The following SP140 variants were observed in gnomAD, a reference collection of about 807,000 sequenced individuals.
The protein encoded by SP140 is SP140 nuclear body protein, also known as nuclear body protein SP140.
SP140 carries 81 observed loss-of-function variants against 125.0 expected under a neutral mutation model. The ratio of observed to expected loss-of-function variants is 0.65; its 90% CI spans 0.54 to 0.78. The LOEUF is 0.78. Ranked by LOEUF, SP140 falls within the 30% of genes least tolerant of loss-of-function variation. The probability of loss-of-function intolerance (pLI) is 0.00; values close to 1 mark genes in which losing one functional copy is unlikely to be tolerated. For synonymous variants in SP140, 312 were observed against 354.0 expected, an observed-to-expected ratio of 0.88 and a Z score of 1.33; for missense variants, 858 against 1,037.0, an observed-to-expected ratio of 0.83 and a Z score of 2.37.
chr2:230,293,786 C>A (rs2057392211), intron 20 of SP140, among the ~76,000 whole-genome samples: 1 of 152,160 alleles, frequency 6.6e-6, no homozygotes, highest in Non-Finnish European at 1.5e-5. Context: ...GCTCCTGAGC[C>A]CTCTACTAAG....
chr2:230,222,488 G>A (rs6739987), upstream of SP140, among the ~76,000 whole-genome samples: 1 of 152,152 alleles, frequency 6.6e-6, no homozygotes, highest in Non-Finnish European at 1.5e-5. Context: ...GGAGGTCAAA[G>A]CAGGAGGATC....
downstream of SP140, among the ~76,000 whole-genome samples, chr2:230,314,817 G>A (rs968723476): frequency 5.9e-5 from 9 of 152,238 alleles, no homozygotes; most frequent in African/African-American, 2.2e-4. Flanking sequence ...GCACATCCTT[G>A]AGAAGCTCAA....
At chr2:230,284,232 C>A in intron 15 of SP140, 114 bp from the exon 16 acceptor site, 1 of 1,004,618 alleles carries the variant, frequency 1.0e-6, no homozygotes, top group Non-Finnish European at 1.5e-6. Context: ...AGTATTTTGC[C>A]CCATTCCTGC....
At position 230,269,616 on chromosome 2, in the gene SP140, C is replaced by T. The variant is rs1443366518; in HGVS notation, c.1325C>T (p.Pro442Leu). ...TCTAGCCTGCTATATGATAATGTACCAGGTAATTATGACTTAAAAATAGTG... is the reference window on the plus strand; with the variant it reads ...TCTAGCCTGCTATATGATAATGTACTAGGTAATTATGACTTAAAAATAGTG... ...LASSLLYDNV[P>L]GAEQSAYENE... Residue 442 changes from proline to leucine, a missense_variant and splice_region_variant, in exon 13 of 27, where the codon CCA becomes CTA. This residue lies in a region of SP140 where 791 missense variants were observed against 869.5 expected (regional missense o/e 0.91). Transcript: ENST00000392045. The T allele has an allele frequency of 6.6e-7, 1 of 1,519,086 alleles. No individual in the cohort carries two copies. Among genetic ancestry groups the T allele is most frequent in the Non-Finnish European group, 8.9e-7 (1 of 1,117,996 alleles). 94.1% of individuals were successfully genotyped at this position (1,519,086 alleles called of 1,614,324 possible).
chr2:230,280,553 C>T (rs1559320529), intron 15 of SP140, among the ~76,000 whole-genome samples: 1 of 152,020 alleles, frequency 6.6e-6, no homozygotes, highest in Non-Finnish European at 1.5e-5. Flanking sequence ...TTGTATCTTT[C>T]GTGTCTCCTT....
chr2:230,215,092 C>A, intron 3 of SP140: 1 of 1,613,878 alleles, frequency 6.2e-7, no homozygotes, highest in South Asian at 1.1e-5. Context: ...ATACAGGGAT[C>A]AAATTTCTAC....
In SP140 at chr2:230,216,863, C is replaced by G. The variant is rs201743901; in HGVS notation, c.-91+2789C>G. 1.9e-6 allele frequency: 3 copies of G among 1,613,966 alleles called. No homozygotes were observed. In the Admixed American group the frequency reaches 5.0e-5, roughly 27 times the overall value. On this transcript the variant is annotated intron_variant, in intron 3 of 4. Coordinates refer to the SP140 transcript ENST00000456542. ...TGGCTTGTGTATGGCATAGGCGATC[C>G]CCAGCTTCTGGTGCATGAAGTGCTG...
At chr2:230,189,028 A>G in the SP140 span, among the ~76,000 whole-genome samples, 2 of 151,758 alleles carry the variant, frequency 1.3e-5, no homozygotes, top group Non-Finnish European at 2.9e-5. Context: ...GATCTTTTGT[A>G]TTTCTGTGGT....
Position 230,253,415 on chromosome 2 carries a change from AAG to A in SP140, c.1158_1159del (p.Glu387GlyfsTer3), listed in dbSNP as rs748177372. 116 of 1,592,890 alleles carry A rather than the reference AAG, an allele frequency of 7.3e-5. No homozygotes were observed. Among genetic ancestry groups the A allele is most frequent in the Non-Finnish European group, 9.1e-5 (106 of 1,160,946 alleles). On this transcript the variant is annotated frameshift_variant and splice_region_variant, in exon 11 of 27. Transcript: ENST00000392045. LOFTEE classifies it high-confidence loss of function. ...CTCAGTCTACTACCAGGTGAAGGAG[AAG>A]GTAATTATGATGTACATTTTTAGGT...
At chr2:230,235,876 T>C (rs1217133130) in intron 1 of SP140, among the ~76,000 whole-genome samples, 1 of 140,384 alleles carries the variant, frequency 7.1e-6, no homozygotes, top group South Asian at 2.5e-4. Context: ...CTGTTTTTTT[T>C]TTTTTTTTTT....
chr2:230,312,267 T>C (rs2059390855), intron 26 of SP140, among the ~76,000 whole-genome samples: 1 of 152,246 alleles, frequency 6.6e-6, no homozygotes, highest in South Asian at 2.1e-4. Context: ...TAACTTAGGG[T>C]GTTTAAGATA....
rs374273035 is a variant in SP140 at position 230,312,723 on chromosome 2, C to T, written c.*39C>T. The T allele has an allele frequency of 4.5e-5, 66 of 1,460,844 alleles. No homozygotes were observed. The African/African-American group carries it at 8.1e-4, about 18-fold the overall frequency. 90.5% of individuals were successfully genotyped at this position (1,460,844 alleles called of 1,614,324 possible). On this transcript the variant is annotated 3_prime_UTR_variant, in exon 27 of 27. Coordinates refer to ENST00000392045, the MANE Select transcript of SP140 (RefSeq NM_007237.5). ...TGCTGAAAGCATTCAGCAAATGGCA[C>T]CCTAAAATATGCCGCTGGTTTGCCA... is the stretch of plus-strand genomic sequence containing the variant.
At chr2:230,275,032 C>G (rs1015314619) in intron 15 of SP140, among the ~76,000 whole-genome samples, 1 of 150,984 alleles carries the variant, frequency 6.6e-6, no homozygotes, top group African/African-American at 2.4e-5. Context: ...GTTGAGCATT[C>G]TTCATTTGTT....
chr2:230,280,342 T>C (rs2055360626), intron 15 of SP140, among the ~76,000 whole-genome samples: 1 of 152,196 alleles, frequency 6.6e-6, no homozygotes, highest in Non-Finnish European at 1.5e-5. Context: ...TTTATGATTT[T>C]TTAAAAATAT....
At chr2:230,238,943 G>A (rs889142611) in intron 3 of SP140, 8 of 1,541,316 alleles carry the variant, frequency 5.2e-6, no homozygotes, top group Middle Eastern at 2.1e-4. Context: ...GCAGACTGTG[G>A]GAGGCAGGGT....
intron 15 of SP140, among the ~76,000 whole-genome samples, chr2:230,274,136 G>T (rs937096767): frequency 7.9e-5 from 12 of 151,106 alleles, no homozygotes; most frequent in African/African-American, 2.4e-4. Flanking sequence ...ATAGATGTGT[G>T]AATTCCTAGG....
At chr2:230,262,794 A>C (rs1399588263) in intron 12 of SP140, among the ~76,000 whole-genome samples, 1 of 152,146 alleles carries the variant, frequency 6.6e-6, no homozygotes, top group African/African-American at 2.4e-5. Context: ...GTTGATTTCC[A>C]GTCTTATTCT....
the SP140 span, among the ~76,000 whole-genome samples, chr2:230,195,173 A>G: frequency 6.6e-6 from 1 of 151,988 alleles, no homozygotes; most frequent in Admixed American, 6.5e-5. Context: ...CAATGTCATT[A>G]CTTTTTTAAG....
rs2048206886 is a variant in SP140 at position 230,237,861 on chromosome 2, C to T, written c.238-352C>T. On this transcript the variant is annotated intron_variant, in intron 2 of 26. Transcript: ENST00000392045. This position sits in a 1 kb window ranked among gnomAD's most constrained non-coding sequence, Gnocchi z 5.4. The stretch of plus-strand genomic sequence containing the variant: ...GGGCTGGTTGATTGGTTTCCTGGAG[C>T]TCGTCAGGCCAGGCCAATCCTAGTA... 6.6e-6 allele frequency among the ~76,000 whole-genome samples: 1 copy of T among 152,146 alleles called. No homozygotes were observed. Among genetic ancestry groups the T allele is most frequent in the African/African-American group, 2.4e-5 (1 of 41,430 alleles).
Sources: allele counts gnomAD v4.1 joint callset (sites outside exome capture counted in the v4.1 genomes callset), GRCh38; gene constraint gnomAD v4.1.1; regional missense constraint gnomAD v4.1.1; non-coding constraint Gnocchi (gnomAD v3.1); transcripts MANE v1.5; gene names NCBI Gene and HGNC (gene_info 2026-07-23, HGNC 2026-07-21).